Variants in MAST2 observed in about 807,000 individuals in gnomAD.
MAST2 encodes microtubule associated serine/threonine kinase 2, also known as microtubule-associated serine/threonine-protein kinase 2.
MAST2 carries 70 observed loss-of-function variants against 147.4 expected under a neutral mutation model. That is an observed-to-expected ratio of 0.47 (90% CI 0.39 to 0.58). The LOEUF (loss-of-function observed/expected upper bound fraction) is 0.58. Ranked by LOEUF, MAST2 falls within the 20% of genes least tolerant of loss-of-function variation. MAST2 has a pLI of 0.00. For synonymous variants in MAST2, 869 were observed against 896.8 expected (o/e 0.97, Z 0.55); for missense variants, 2,080 against 2,302.3 (o/e 0.90, Z 1.98).
chr1:45,935,665 T>C (rs964364874), intron 4 of MAST2, among the ~76,000 whole-genome samples: 1 of 152,220 alleles, frequency 6.6e-6, no homozygotes, highest in African/African-American at 2.4e-5. Flanking sequence ...TTTGCATTGC[T>C]TTTGTCCACT....
chr1:45,966,416 A>G (rs1191274017), intron 5 of MAST2, among the ~76,000 whole-genome samples: 1 of 136,802 alleles, frequency 7.3e-6, no homozygotes. Flanking sequence ...AGTGTATTTG[A>G]TTTTGTAAAA....
intron 5 of MAST2, among the ~76,000 whole-genome samples, chr1:45,970,665 C>T (rs1643878244): frequency 2.0e-5 from 1 of 49,276 alleles, no homozygotes; most frequent in Non-Finnish European, 3.7e-5. Flanking sequence ...AAGACTCTGT[C>T]TCAAAAAAAA....
At chr1:45,813,461 C>G (rs1461633049) in intron 1 of MAST2, among the ~76,000 whole-genome samples, 2 of 150,934 alleles carry the variant, frequency 1.3e-5, no homozygotes, top group Non-Finnish European at 2.9e-5. Context: ...TCCCAAGTAA[C>G]TAGGATTACA....
chr1:45,918,083 AAG>A (rs1388362380), intron 4 of MAST2, among the ~76,000 whole-genome samples: 1 of 152,234 alleles, frequency 6.6e-6, no homozygotes, highest in African/African-American at 2.4e-5. Context: ...CTAGTGGAGA[AAG>A]AGAGACAAGT....
chr1:45,920,841 CAT>C (rs997398840), intron 4 of MAST2, among the ~76,000 whole-genome samples: 6 of 152,040 alleles, frequency 3.9e-5, no homozygotes, highest in African/African-American at 1.2e-4. Context: ...GTGGGTGACA[CAT>C]GTTCATTTTT....
At chr1:45,818,608 A>G (rs1387676438) in intron 1 of MAST2, among the ~76,000 whole-genome samples, 2 of 152,216 alleles carry the variant, frequency 1.3e-5, no homozygotes, top group African/African-American at 2.4e-5. Flanking sequence ...TTCTTCGGCA[A>G]CTTCTTGTGT....
chr1:45,805,403 C>T (rs929009158), intron 1 of MAST2, among the ~76,000 whole-genome samples: 6 of 151,758 alleles, frequency 4.0e-5, no homozygotes, highest in African/African-American at 9.7e-5. Flanking sequence ...ACCTCTTATT[C>T]CCCACTGAGC....
chr1:45,809,482 A>T (rs1374892462), intron 1 of MAST2, among the ~76,000 whole-genome samples: 1 of 152,122 alleles, frequency 6.6e-6, no homozygotes, highest in Non-Finnish European at 1.5e-5. Flanking sequence ...ATCTCTACAA[A>T]AAATACAAAA....
At chr1:45,981,320 C>T (rs1479265222) in intron 5 of MAST2, among the ~76,000 whole-genome samples, 1 of 152,098 alleles carries the variant, frequency 6.6e-6, no homozygotes, top group East Asian at 1.9e-4. Context: ...GATCCACCTG[C>T]CTTGGCCTCT....
At chr1:45,985,720 A>T (rs1002943988) in intron 5 of MAST2, among the ~76,000 whole-genome samples, 29 of 152,218 alleles carry the variant, frequency 1.9e-4, no homozygotes, top group Non-Finnish European at 5.9e-5. Flanking sequence ...TTGACTTCTT[A>T]ACAATATCAA....
rs150802984 is a variant in MAST2, at chr1:46,034,239, C to T, written c.3841C>T (p.Arg1281Trp). The change falls in exon 28 of 29, where the codon CGG (arginine) becomes TGG (tryptophan). Residue 1281 changes from arginine to tryptophan, a missense_variant. Physicochemically the swap from Arg to Trp is moderately radical, Grantham distance 101. Coordinates refer to ENST00000361297, the MANE Select transcript of MAST2 (RefSeq NM_015112.3). ...LSPRSPTQGY[R>W]VTPDAVHSVG... ...CCCCCGATCTCCCACTCAAGGCTAC[C>T]GGGTGACCCCCGATGCTGTGCATTC... 1,359 of 1,613,722 alleles carry T rather than the reference C, an allele frequency of 8.4e-4. No individual in the cohort carries two copies. Among genetic ancestry groups the T allele is most frequent in the Non-Finnish European group, 1.1e-3 (1,272 of 1,179,780 alleles).
chr1:46,034,219 G>A lies in MAST2; in HGVS notation c.3821G>A (p.Arg1274Gln), dbSNP rs1020007935. ...SPTHSHSLSPRSPTQGYRVTP... is the reference protein window; with the variant it reads ...SPTHSHSLSPQSPTQGYRVTP... ...ACACACAGCCACAGCCTTTCCCCCC[G>A]ATCTCCCACTCAAGGCTACCGGGTG... Residue 1274 changes from arginine to glutamine, a missense_variant, in exon 28 of 29, where the codon CGA becomes CAA. This residue lies in a region of MAST2 where 1,278 missense variants were observed against 1,304.2 expected (regional missense o/e 0.98). Transcript: ENST00000361297. 1.9e-5 allele frequency: 30 copies of A among 1,613,836 alleles called. No homozygotes were observed. Among genetic ancestry groups the A allele is most frequent in the Admixed American group, 3.3e-5 (2 of 59,990 alleles).
intron 3 of MAST2, among the ~76,000 whole-genome samples, chr1:45,882,012 TAA>T (rs71062722): frequency 1.6e-3 from 65 of 39,824 alleles, no homozygotes; most frequent in African/African-American, 4.5e-3. Context: ...CCGTCTCTAC[TAA>T]AAAAAAAAAA....
At chr1:45,811,877 G>T (rs1287718033) in intron 1 of MAST2, among the ~76,000 whole-genome samples, 1 of 152,006 alleles carries the variant, frequency 6.6e-6, no homozygotes, top group Non-Finnish European at 1.5e-5. Flanking sequence ...CTCGTGATCC[G>T]CCTGTCTCGG....
chr1:45,831,881 A>T lies in MAST2; in HGVS notation c.468+2300A>T, dbSNP rs145477985. The stretch of plus-strand genomic sequence containing the variant: ...TGCAACCTCTGTCTCCTGGGTTCAA[A>T]TGATTCTCCTGTGTCAGCCTCCCAA... On this transcript the variant is annotated intron_variant, in intron 3 of 28. Transcript: ENST00000361297. Among the ~76,000 whole-genome samples, 146 of 150,956 alleles carry T rather than the reference A, an allele frequency of 9.7e-4. 1 individual carries two copies. The highest frequency in any genetic ancestry group is 3.5e-3 in the African/African-American group (145 of 41,114).
chr1:46,027,637 T>C (rs1244467897), intron 16 of MAST2, 94 bp from the exon 17 acceptor site: 7 of 1,367,492 alleles, frequency 5.1e-6, no homozygotes, highest in African/African-American at 4.3e-5. Context: ...AGTACCCCCA[T>C]GGAAGCCTGA....
chr1:45,930,754 A>G (rs1357726944), intron 4 of MAST2, among the ~76,000 whole-genome samples: 1 of 152,292 alleles, frequency 6.6e-6, no homozygotes, highest in African/African-American at 2.4e-5. Context: ...GGGTCAGCAA[A>G]ATAAACCCCA....
At chr1:46,001,459 G>T (rs1645271075) in intron 6 of MAST2, among the ~76,000 whole-genome samples, 1 of 152,226 alleles carries the variant, frequency 6.6e-6, no homozygotes, top group Non-Finnish European at 1.5e-5. Flanking sequence ...CCATCCCTGA[G>T]TTATACTTGT....
intron 3 of MAST2, among the ~76,000 whole-genome samples, chr1:45,841,142 T>TGG: frequency 6.6e-6 from 1 of 151,422 alleles, no homozygotes; most frequent in South Asian, 2.1e-4. Context: ...GGGTTGGGGG[T>TGG]GGGGGCTCCC....
Sources: allele counts gnomAD v4.1 joint callset (sites outside exome capture counted in the v4.1 genomes callset), GRCh38; gene constraint gnomAD v4.1.1; regional missense constraint gnomAD v4.1.1; transcripts MANE v1.5; gene names NCBI Gene and HGNC (gene_info 2026-07-23, HGNC 2026-07-21).